The following CNTNAP4 variants were observed in gnomAD, a reference collection of about 807,000 sequenced individuals.
CNTNAP4 encodes the protein contactin associated protein family member 4, also known as contactin-associated protein-like 4.
A neutral mutation model predicts 148.4 loss-of-function variants in CNTNAP4; 98 were observed. The observed-to-expected ratio is 0.66, with a 90% CI of 0.56 to 0.78. The LOEUF is 0.78. Ranked by LOEUF, CNTNAP4 falls within the 30% of genes least tolerant of loss-of-function variation. The probability of loss-of-function intolerance (pLI) is 0.00; values close to 1 mark genes in which losing one functional copy is unlikely to be tolerated. For missense variants in CNTNAP4, 1,935 were observed against 1,565.6 expected (o/e 1.24, Z -3.98); for synonymous variants, 730 against 565.1 (o/e 1.29, Z -4.14).
At chr16:76,357,888 C>T (rs1214354565) in intron 3 of CNTNAP4, among the ~76,000 whole-genome samples, 1 of 152,114 alleles carries the variant, frequency 6.6e-6, no homozygotes, top group Non-Finnish European at 1.5e-5. Context: ...CTAGTCTTAG[C>T]ATTTCTGGTA....
At chr16:76,409,931 T>C (rs1289875933) in intron 3 of CNTNAP4, among the ~76,000 whole-genome samples, 2 of 151,902 alleles carry the variant, frequency 1.3e-5, no homozygotes, top group Non-Finnish European at 2.9e-5. Flanking sequence ...AGGCTTGTTA[T>C]GAAGGAGGCA....
Position 76,522,271 on chromosome 16 carries a change from T to G in CNTNAP4, c.2755+14T>G, listed in dbSNP as rs758598570. 6.2e-7 allele frequency: 1 copy of G among 1,609,406 alleles called. No homozygotes were observed. The highest frequency in any genetic ancestry group is 8.5e-7 in the Non-Finnish European group (1 of 1,176,508). On this transcript the variant is annotated intron_variant, in intron 17 of 23. Coordinates refer to ENST00000611870, the MANE Select transcript of CNTNAP4 (RefSeq NM_033401.5). ...AGCTCTTCGTGGGTAAGTTCTCTTT[T>G]TAAGCAATCATTTTATTGTATGATA... is the stretch of plus-strand genomic sequence containing the variant.
rs1371621944 is a variant in CNTNAP4 at position 76,494,788 on chromosome 16, A to G, written c.2081-122A>G. The G allele has an allele frequency of 7.4e-6, 8 of 1,079,900 alleles. No homozygotes were observed. In the Middle Eastern group the frequency reaches 8.5e-4, roughly 114 times the overall value. 66.9% of individuals were successfully genotyped at this position (1,079,900 alleles called of 1,614,324 possible). ...ACTGTTTTGCATATCCTTAAATCCA[A>G]TCAATCTTTCTCCTTTTCTCCTTTT... On this transcript the variant is annotated intron_variant, in intron 13 of 23. Transcript: ENST00000611870.
chr16:76,469,631 C>G (rs540987058), intron 10 of CNTNAP4: 2 of 152,164 alleles, frequency 1.3e-5, no homozygotes, highest in East Asian at 1.9e-4. Flanking sequence ...ACAAGGACTC[C>G]CGGTTGCCTA....
intron 2 of CNTNAP4, among the ~76,000 whole-genome samples, chr16:76,343,405 C>T (rs113989595): frequency 2.6e-5 from 4 of 152,290 alleles, no homozygotes; most frequent in African/African-American, 4.8e-5. Flanking sequence ...TTCTGCCTCA[C>T]TTGTGCATCT....
chr16:76,375,986 C>T (rs1173034829), intron 3 of CNTNAP4, among the ~76,000 whole-genome samples: 4 of 151,684 alleles, frequency 2.6e-5, no homozygotes, highest in African/African-American at 4.8e-5. Context: ...GTAAAATAAG[C>T]GTAGCAATAC....
chr16:76,538,090 A>G, intron 18 of CNTNAP4, 26 bp from the exon 19 acceptor site: 3 of 1,065,476 alleles, frequency 2.8e-6, no homozygotes, highest in Non-Finnish European at 3.7e-6. Context: ...AATTTTTAAC[A>G]AAAATATATA....
intron 10 of CNTNAP4, among the ~76,000 whole-genome samples, chr16:76,472,920 T>C (rs1442444494): frequency 2.0e-5 from 3 of 152,070 alleles, no homozygotes; most frequent in African/African-American, 7.2e-5. Context: ...GTTTACCTGG[T>C]AACAAACCTG....
intron 2 of CNTNAP4, among the ~76,000 whole-genome samples, chr16:76,321,867 C>G (rs1305831491): frequency 6.6e-6 from 1 of 150,890 alleles, no homozygotes; most frequent in African/African-American, 2.4e-5. Context: ...CCAATACTTT[C>G]TGTATGAAAA....
At chr16:76,414,655 G>A (rs2078914370) in intron 3 of CNTNAP4, among the ~76,000 whole-genome samples, 2 of 151,252 alleles carry the variant, frequency 1.3e-5, no homozygotes, top group South Asian at 2.1e-4. Flanking sequence ...ATCGAGGCCT[G>A]CAATTTTCTG....
At chr16:76,494,864 G>A in intron 13 of CNTNAP4, 46 bp from the exon 14 acceptor site, 1 of 1,569,512 alleles carries the variant, frequency 6.4e-7, no homozygotes. Context: ...GAGAGAAGGT[G>A]GTGGAACATA....
Position 76,277,546 on chromosome 16 carries a change from A to G in CNTNAP4, c.-117A>G. On this transcript the variant is annotated 5_prime_UTR_variant, in exon 1 of 24. Coordinates refer to ENST00000611870, the MANE Select transcript of CNTNAP4 (RefSeq NM_033401.5). ...GAGGTGAGGAGGAAGGGAGGGGGAG[A>G]GACAGAGACCTAGAGGGGCTGAAGA... is the stretch of plus-strand genomic sequence containing the variant. 1.5e-6 allele frequency: 1 copy of G among 647,982 alleles called. No homozygotes were observed. Among genetic ancestry groups the G allele is most frequent in the South Asian group, 1.8e-5 (1 of 55,144 alleles). The allele number at this position is 647,982 out of a possible 1,614,324, so 40.1% of individuals were successfully genotyped here.
At chr16:76,439,710 T>C (rs1451011136) in intron 4 of CNTNAP4, among the ~76,000 whole-genome samples, 1 of 152,190 alleles carries the variant, frequency 6.6e-6, no homozygotes, top group Non-Finnish European at 1.5e-5. Flanking sequence ...TTTAAAAAGA[T>C]AATAAGGGCA....
At position 76,396,123 on chromosome 16, in the gene CNTNAP4, T is replaced by G. The variant is rs576612683; in HGVS notation, c.391-31329T>G. 3.9e-5 allele frequency among the ~76,000 whole-genome samples: 6 copies of G among 152,322 alleles called. No individual in the cohort carries two copies. In the South Asian group the frequency reaches 8.3e-4, roughly 21 times the overall value. On this transcript the variant is annotated intron_variant, in intron 3 of 23. Coordinates refer to ENST00000611870, the MANE Select transcript of CNTNAP4 (RefSeq NM_033401.5). Reference sequence around the variant, plus strand: ...TCAACATCAACTAAAACACAGATATTTATAAATGACTTTGGGATGTGGCAT... The same window carrying G: ...TCAACATCAACTAAAACACAGATATGTATAAATGACTTTGGGATGTGGCAT...
At chr16:76,289,339 T>C (rs1021564446) in intron 1 of CNTNAP4, among the ~76,000 whole-genome samples, 9 of 152,210 alleles carry the variant, frequency 5.9e-5, no homozygotes, top group African/African-American at 1.9e-4. Flanking sequence ...TCAAGTCTTT[T>C]GTATTGGTTT....
chr16:76,514,907 T>G (rs937983826), intron 15 of CNTNAP4, among the ~76,000 whole-genome samples: 11 of 152,240 alleles, frequency 7.2e-5, no homozygotes, highest in Admixed American at 6.5e-5. Flanking sequence ...GAAGATGCAC[T>G]GATTACTAAA....
intron 12 of CNTNAP4, among the ~76,000 whole-genome samples, chr16:76,487,921 C>T (rs191052528): frequency 6.6e-6 from 1 of 152,286 alleles, no homozygotes; most frequent in Non-Finnish European, 1.5e-5. Context: ...GGAAGTCTCA[C>T]TCAGTGTGAT....
Position 76,539,780 on chromosome 16 carries a change from T to A in CNTNAP4, c.3282T>A (p.Asp1094Glu). 6.2e-7 allele frequency: 1 copy of A among 1,602,592 alleles called. No individual in the cohort carries two copies. The highest frequency in any genetic ancestry group is 8.5e-7 in the Non-Finnish European group (1 of 1,174,060). ...AAGAGCCTGATGTTGTTAACTTTGA[T>A]TTTAAAAACATGGCTGATGGACAAC... ...KYQEPDVVNF[D>E]FKNMADGQLH... Residue 1094 changes from aspartate (D) to glutamate (E), a missense_variant, in exon 20 of 24, where the codon GAT (aspartate) becomes GAA (glutamate). Transcript: ENST00000611870.
intron 4 of CNTNAP4, among the ~76,000 whole-genome samples, chr16:76,430,207 A>G (rs1055992858): frequency 7.9e-5 from 12 of 152,342 alleles, no homozygotes; most frequent in Non-Finnish European, 1.0e-4. Flanking sequence ...AATATGTGTC[A>G]GAGACTGTAA....
Sources: gnomAD v4.1 joint callset for allele counts (sites outside exome capture counted in the v4.1 genomes callset) on GRCh38, gnomAD v4.1.1 for gene constraint, MANE v1.5 for transcripts, NCBI Gene and HGNC (gene_info 2026-07-23, HGNC 2026-07-21) for gene names.